MAST2: variants seen among roughly 807,000 people sequenced by gnomAD.
The protein encoded by MAST2 is microtubule-associated serine/threonine-protein kinase 2.
Under a neutral mutation model 147.4 loss-of-function variants are expected in MAST2, and 70 were observed. The ratio of observed to expected loss-of-function variants is 0.47; its 90% CI spans 0.39 to 0.58. The LOEUF (loss-of-function observed/expected upper bound fraction) is 0.58. Among genes scored for constraint, MAST2 ranks in the 20% least tolerant of loss-of-function variants. The pLI is 0.00. For synonymous variants in MAST2, 869 were observed against 896.8 expected, an observed-to-expected ratio of 0.97 and a Z score of 0.55; for missense variants, 2,080 against 2,302.3, an observed-to-expected ratio of 0.90 and a Z score of 1.98.
intron 4 of MAST2, among the ~76,000 whole-genome samples, chr1:45,942,918 T>C (rs1657514658): frequency 6.6e-6 from 1 of 152,152 alleles, no homozygotes; most frequent in African/African-American, 2.4e-5. Context: ...TTAGCCAAAG[T>C]GGCATACTTT....
At position 45,931,388 on chromosome 1, in the gene MAST2, T is replaced by TTTG. The variant is rs1301308496; in HGVS notation, c.501-27996_501-27995insGTT. Among the ~76,000 whole-genome samples, 8 of 148,156 alleles carry TTTG rather than the reference T, an allele frequency of 5.4e-5. No homozygotes were observed. The South Asian group carries it at 8.7e-4, about 16-fold the overall frequency. ...TGGTATTGTGTTCTGTTTTTTTTTT[T>TTTG]TTTTTTTTTTTGAGATAGAGTCTTG... On this transcript the variant is annotated intron_variant, in intron 4 of 28. Coordinates refer to ENST00000361297, the MANE Select transcript of MAST2 (RefSeq NM_015112.3).
chr1:45,944,437 T>G (rs1049800832), intron 4 of MAST2, among the ~76,000 whole-genome samples: 8 of 152,232 alleles, frequency 5.3e-5, no homozygotes, highest in Admixed American at 1.3e-4. Context: ...AACTTAATAT[T>G]ATTTCTAATA....
At chr1:45,959,502 G>A in intron 5 of MAST2, 25 bp downstream of exon 5, 2 of 1,602,676 alleles carry the variant, frequency 1.2e-6, no homozygotes, top group Admixed American at 1.7e-5. Flanking sequence ...GTTAAGAAAG[G>A]TTGAATGAAA....
At chr1:45,848,833 C>G (rs760571285) in intron 3 of MAST2, among the ~76,000 whole-genome samples, 1 of 152,134 alleles carries the variant, frequency 6.6e-6, no homozygotes. Flanking sequence ...TAGAAAACCC[C>G]ATCATCTTGG....
chr1:45,941,537 C>T (rs879599562), intron 4 of MAST2, among the ~76,000 whole-genome samples: 38 of 152,208 alleles, frequency 2.5e-4, no homozygotes, highest in African/African-American at 6.3e-4. Context: ...GAATTACAGG[C>T]GTGAGCTACC....
At chr1:45,960,504 CAAAAAGAA>C (rs1490510356) in intron 5 of MAST2, among the ~76,000 whole-genome samples, 3 of 151,742 alleles carry the variant, frequency 2.0e-5, no homozygotes, top group Non-Finnish European at 4.4e-5. Context: ...GACCCCATCT[CAAAAAGAA>C]AAAAAGAAAA....
Position 46,002,081 on chromosome 1 carries a change from C to G in MAST2, c.669-724C>G, listed in dbSNP as rs74806973. Among the ~76,000 whole-genome samples the G allele has an allele frequency of 5.5e-4, 83 of 152,244 alleles. No individual in the cohort carries two copies. The East Asian group carries it at 0.013, about 24-fold the overall frequency. The stretch of plus-strand genomic sequence containing the variant: ...TAGATCCCTGCTTGATCTTTCCCCT[C>G]TACAGTAAAGCAAATAACTGTGGCG... On this transcript the variant is annotated intron_variant, in intron 6 of 28. Transcript: ENST00000361297.
At chr1:45,895,560 A>G (rs1648586142) in intron 4 of MAST2, among the ~76,000 whole-genome samples, 1 of 152,252 alleles carries the variant, frequency 6.6e-6, no homozygotes, top group Non-Finnish European at 1.5e-5. Flanking sequence ...ACTGATGTAC[A>G]TGGATGGTCC....
chr1:45,954,587 C>G (rs1238609866), intron 4 of MAST2, among the ~76,000 whole-genome samples: 2 of 152,156 alleles, frequency 1.3e-5, no homozygotes, highest in Non-Finnish European at 2.9e-5. Flanking sequence ...TGCAGATATC[C>G]AGTACTTCAT....
chr1:46,030,325 C>T, intron 21 of MAST2, 87 bp downstream of exon 21: 1 of 1,365,302 alleles, frequency 7.3e-7, no homozygotes, highest in South Asian at 1.3e-5. Context: ...GGGGCAGGCT[C>T]AGGGAGTTGG....
At chr1:45,964,514 G>A (rs1238329786) in intron 5 of MAST2, among the ~76,000 whole-genome samples, 2 of 152,154 alleles carry the variant, frequency 1.3e-5, no homozygotes, top group Admixed American at 6.6e-5. Context: ...AGAGGTGTTT[G>A]TAGTATTCTC....
chr1:45,864,417 C>A (rs1480926062), intron 3 of MAST2, among the ~76,000 whole-genome samples: 1 of 152,090 alleles, frequency 6.6e-6, no homozygotes, highest in Non-Finnish European at 1.5e-5. Flanking sequence ...TCGTTACTGT[C>A]CAAGAAGTGA....
chr1:45,967,804 A>C (rs1455788563), intron 5 of MAST2, among the ~76,000 whole-genome samples: 1 of 152,196 alleles, frequency 6.6e-6, no homozygotes, highest in Non-Finnish European at 1.5e-5. Flanking sequence ...ATCCAAATCA[A>C]CCTTCAAATA....
chr1:45,877,028 T>A (rs748184440), intron 3 of MAST2, among the ~76,000 whole-genome samples: 7 of 152,234 alleles, frequency 4.6e-5, no homozygotes, highest in Non-Finnish European at 1.0e-4. Flanking sequence ...ATATATTACC[T>A]TAGCACATTT....
chr1:46,018,265 A>G (rs527935278), intron 10 of MAST2, among the ~76,000 whole-genome samples: 19 of 151,676 alleles, frequency 1.3e-4, no homozygotes, highest in African/African-American at 4.6e-4. Flanking sequence ...ACCTGCTCCC[A>G]TGTCTTCAGT....
Position 45,846,224 on chromosome 1 carries a change from A to G in MAST2, c.468+16643A>G, listed in dbSNP as rs540176576. Among the ~76,000 whole-genome samples the G allele has an allele frequency of 1.7e-4, 26 of 152,354 alleles. 1 individual carries two copies. The South Asian group carries it at 2.9e-3, about 17-fold the overall frequency. On this transcript the variant is annotated intron_variant, in intron 3 of 28. Transcript: ENST00000361297. ...CACATTTTCCCTTATGTTGTAAAAAAAAAGAAAATAGGTTTAATGTTTAAA... is the reference window on the plus strand; with the variant it reads ...CACATTTTCCCTTATGTTGTAAAAAGAAAGAAAATAGGTTTAATGTTTAAA...
intron 17 of MAST2, among the ~76,000 whole-genome samples, 165 bp downstream of exon 17, chr1:46,028,028 T>TA (rs1646491163): frequency 6.6e-6 from 1 of 152,162 alleles, no homozygotes; most frequent in Non-Finnish European, 1.5e-5. Flanking sequence ...TGTGTACACA[T>TA]ACATAGATTC....
chr1:45,882,920 A>C (rs1369405753), intron 4 of MAST2, among the ~76,000 whole-genome samples: 2 of 152,080 alleles, frequency 1.3e-5, no homozygotes, highest in East Asian at 3.8e-4. Flanking sequence ...TTGCCCCTGG[A>C]TTTTAATTTC....
intron 4 of MAST2, among the ~76,000 whole-genome samples, chr1:45,924,611 GTCTTTTTTATCTC>G (rs1654064313): frequency 6.6e-6 from 1 of 152,136 alleles, no homozygotes; most frequent in South Asian, 2.1e-4. Flanking sequence ...ATATTAGGAT[GTCTTTTTTATCTC>G]TCTTTTTTTA....
Sources: gnomAD v4.1 joint callset for allele counts (sites outside exome capture counted in the v4.1 genomes callset) on GRCh38, gnomAD v4.1.1 for gene constraint, MANE v1.5 for transcripts, NCBI Gene and HGNC (gene_info 2026-07-23, HGNC 2026-07-21) for gene names.